PCDHA7: variants seen among roughly 807,000 people sequenced by gnomAD.
PCDHA7 encodes the protein protocadherin alpha-7.
A neutral mutation model predicts 57.2 loss-of-function variants in PCDHA7; 37 were observed. The observed-to-expected ratio is 0.65, with a 90% confidence interval of 0.50 to 0.85. The LOEUF is 0.85. Among genes scored for constraint, PCDHA7 ranks in the 40% least tolerant of loss-of-function variants. The pLI, the probability that PCDHA7 is intolerant of heterozygous loss-of-function variation, is 0.00. For synonymous variants in PCDHA7, 553 were observed against 558.8 expected (o/e 0.99, Z 0.15); for missense variants, 1,188 against 1,241.8 (o/e 0.96, Z 0.65).
intron 1 of PCDHA7, among the ~76,000 whole-genome samples, chr5:140,923,822 T>C (rs1377526546): frequency 6.6e-6 from 1 of 152,156 alleles, no homozygotes; most frequent in Non-Finnish European, 1.5e-5. Flanking sequence ...AAAATAGACG[T>C]CAGTGGCAGT....
chr5:140,845,214 TA>T (rs1253125305), intron 1 of PCDHA7, among the ~76,000 whole-genome samples: 2 of 149,518 alleles, frequency 1.3e-5, no homozygotes, highest in South Asian at 2.1e-4. Flanking sequence ...TAAGTCCTTT[TA>T]AAAAATATGA....
At chr5:140,858,992 T>C (rs1452375472) in intron 1 of PCDHA7, 1 of 151,532 alleles carries the variant, frequency 6.6e-6, no homozygotes, top group African/African-American at 2.4e-5. Context: ...AGTTCATTGG[T>C]AAAAATTTCT....
intron 3 of PCDHA7, among the ~76,000 whole-genome samples, chr5:140,996,055 C>A (rs1289526573): frequency 6.6e-6 from 1 of 152,164 alleles, no homozygotes; most frequent in Non-Finnish European, 1.5e-5. Flanking sequence ...GTGCTTGGCA[C>A]ACAGTAAAGA....
intron 1 of PCDHA7, among the ~76,000 whole-genome samples, chr5:140,960,271 CA>C (rs1193468231): frequency 2.0e-5 from 3 of 152,182 alleles, no homozygotes; most frequent in Non-Finnish European, 4.4e-5. Flanking sequence ...TAAATTCCGT[CA>C]CCTTTTTGGG....
intron 1 of PCDHA7, chr5:140,884,153 G>T: frequency 6.2e-7 from 1 of 1,613,470 alleles, no homozygotes; most frequent in Non-Finnish European, 8.5e-7. Flanking sequence ...GCTGTACACT[G>T]GCGAGATCAG....
intron 1 of PCDHA7, chr5:140,884,052 G>A (rs200938440): frequency 8.7e-6 from 14 of 1,613,472 alleles, no homozygotes; most frequent in African/African-American, 4.0e-5. Context: ...GCGAAGGTGC[G>A]CGCGGTGGAC....
chr5:140,891,974 C>T (rs2063333007), intron 1 of PCDHA7, among the ~76,000 whole-genome samples: 1 of 152,170 alleles, frequency 6.6e-6, no homozygotes, highest in South Asian at 2.1e-4. Context: ...AATTTCCGTT[C>T]TCATAAATTA....
At chr5:140,987,124 G>T (rs2097230182) in intron 3 of PCDHA7, among the ~76,000 whole-genome samples, 1 of 151,678 alleles carries the variant, frequency 6.6e-6, no homozygotes, top group Non-Finnish European at 1.5e-5. Flanking sequence ...TGAGGCAGGA[G>T]AATTGCTTGA....
At chr5:140,856,041 A>G in intron 1 of PCDHA7, 1 of 1,569,530 alleles carries the variant, frequency 6.4e-7, no homozygotes, top group Non-Finnish European at 8.7e-7. Flanking sequence ...AAACAAGAGA[A>G]GGATAAGATG....
intron 3 of PCDHA7, among the ~76,000 whole-genome samples, chr5:141,002,021 C>A (rs1177146388): frequency 2.6e-5 from 4 of 152,184 alleles, no homozygotes; most frequent in Admixed American, 6.5e-5. Flanking sequence ...GCACAGCCTT[C>A]GGTGCCCTGA....
At chr5:140,952,380 G>A (rs246035) in intron 1 of PCDHA7, among the ~76,000 whole-genome samples, 85,175 of 151,100 alleles carry the variant, frequency 0.56, 24,638 homozygotes, top group African/African-American at 0.69. Flanking sequence ...CCTCTGCCAG[G>A]TACCCTAAAC....
intron 1 of PCDHA7, among the ~76,000 whole-genome samples, chr5:140,937,615 T>TCAAAAAAAAAAAAAAAAAAAAAAAA (rs1472779704): frequency 5.3e-5 from 8 of 149,546 alleles, no homozygotes; most frequent in African/African-American, 2.0e-4. Context: ...ATACTCCATC[T>TCAAAAAAAAAAAAAAAAAAAAAAAA]AAAAAGAAAA....
rs1236174883 is a variant in PCDHA7 at position 140,948,633 on chromosome 5, C to T, written c.2356-30316C>T. Among the ~76,000 whole-genome samples the T allele has an allele frequency of 2.6e-5, 4 of 151,768 alleles. No individual in the cohort carries two copies. The East Asian group carries it at 7.7e-4, about 29-fold the overall frequency. ...GGCACAAAGTTGTTAATAATATTCTCTCATCTTTTAACGTCTGTATAATCT... is the reference window on the plus strand; with the variant it reads ...GGCACAAAGTTGTTAATAATATTCTTTCATCTTTTAACGTCTGTATAATCT... On this transcript the variant is annotated intron_variant, in intron 1 of 3. Transcript: ENST00000525929.
rs2150311050 is a variant in PCDHA7, at chr5:140,841,098, T to C, written c.2355+4360T>C. The C allele has an allele frequency of 1.6e-4, 93 of 572,610 alleles. 1 individual carries two copies. The highest frequency in any genetic ancestry group is 1.4e-3 in the African/African-American group (77 of 53,518). The allele number at this position is 572,610 out of a possible 1,614,324, so 35.5% of individuals were successfully genotyped here. On this transcript the variant is annotated intron_variant, in intron 1 of 3. Transcript: ENST00000525929. ...GAAAGTGCATAGAAGAACCCAGATA[T>C]TGCGGAAGTAATTCATGTAATCATT...
intron 1 of PCDHA7, chr5:140,967,218 C>G: frequency 6.2e-7 from 1 of 1,613,744 alleles, no homozygotes; most frequent in Non-Finnish European, 8.5e-7. Flanking sequence ...TTCCCGCGGC[C>G]CAACTACCAG....
chr5:140,917,324 C>CGGGGG (rs1299895515), intron 1 of PCDHA7, among the ~76,000 whole-genome samples: 1 of 76,186 alleles, frequency 1.3e-5, no homozygotes, highest in Non-Finnish European at 2.9e-5. Flanking sequence ...GTTCATGTGG[C>CGGGGG]GGGGGAGGGG....
rs1024369617 is a variant in PCDHA7 at position 140,837,461 on chromosome 5, C to G, written c.2355+723C>G. On this transcript the variant is annotated intron_variant, in intron 1 of 3. Transcript: ENST00000525929. ...TAGTACGTAGTAAAAAATCTCCTTG[C>G]CTCCTCAAACCCCAAACCATTTACT... 4.6e-5 allele frequency among the ~76,000 whole-genome samples: 7 copies of G among 151,760 alleles called. 1 individual carries two copies. The highest frequency in any genetic ancestry group is 1.0e-4 in the Non-Finnish European group (7 of 67,946).
intron 1 of PCDHA7, chr5:140,847,941 A>G (rs923253393): frequency 3.3e-5 from 5 of 151,238 alleles, no homozygotes; most frequent in African/African-American, 1.2e-4. Flanking sequence ...CAACTCCTGG[A>G]TTTCTCTTAC....
chr5:140,982,662 T>C (rs1325546785), intron 3 of PCDHA7, 99 bp downstream of exon 3: 4 of 1,476,284 alleles, frequency 2.7e-6, no homozygotes, highest in Admixed American at 2.6e-5. Context: ...CTTTTTCTTT[T>C]ATATTTTTGT....
Sources: gnomAD v4.1 joint callset for allele counts (sites outside exome capture counted in the v4.1 genomes callset) on GRCh38, gnomAD v4.1.1 for gene constraint, MANE v1.5 for transcripts, NCBI Gene and HGNC (gene_info 2026-07-23, HGNC 2026-07-21) for gene names.